GRIP1: variants seen among roughly 807,000 people sequenced by gnomAD.
The protein encoded by GRIP1 is glutamate receptor interacting protein 1.
In GRIP1, 45 loss-of-function variants were observed where a neutral mutation model predicts 129.9. The observed-to-expected ratio is 0.35, with a 90% CI of 0.27 to 0.44. The LOEUF (loss-of-function observed/expected upper bound fraction) is 0.44. Among genes scored for constraint, GRIP1 ranks in the 20% least tolerant of loss-of-function variants. GRIP1 has a pLI of 1.00. For synonymous variants in GRIP1, 530 were observed against 520.8 expected, an observed-to-expected ratio of 1.02 and a Z score of -0.24; for missense variants, 1,196 against 1,396.8, an observed-to-expected ratio of 0.86 and a Z score of 2.29.
At chr12:66,948,551 A>G (rs1168754127) in intron 1 of GRIP1, among the ~76,000 whole-genome samples, 1 of 152,206 alleles carries the variant, frequency 6.6e-6, no homozygotes, top group African/African-American at 2.4e-5. Flanking sequence ...TGTCTTGAAG[A>G]AGCTCATAGT....
intron 1 of GRIP1, among the ~76,000 whole-genome samples, chr12:66,758,038 A>C (rs1442530772): frequency 2.0e-5 from 3 of 152,248 alleles, no homozygotes; most frequent in Non-Finnish European, 4.4e-5. Flanking sequence ...TAAAACAGAA[A>C]AAATTACAAA....
At chr12:66,836,177 T>C (rs971644145) in intron 1 of GRIP1, among the ~76,000 whole-genome samples, 3 of 152,142 alleles carry the variant, frequency 2.0e-5, no homozygotes, top group African/African-American at 7.2e-5. Flanking sequence ...TATGATATAA[T>C]CATAGACAAA....
At position 66,420,750 on chromosome 12, in the gene GRIP1, G is replaced by A. The variant is rs74888356; in HGVS notation, c.1808C>T (p.Ser603Leu). 21 of 1,589,576 alleles carry A rather than the reference G, an allele frequency of 1.3e-5. No individual in the cohort carries two copies. The highest frequency in any genetic ancestry group is 1.7e-5 in the Non-Finnish European group (20 of 1,157,428). Residue 603 changes from serine to leucine, a missense_variant, in exon 15 of 25, where the codon TCA (serine) becomes TTA (leucine). Physicochemically the swap from Ser to Leu is moderately radical, Grantham distance 145 (BLOSUM62 -2). Around this residue, in one of 5 missense-constraint regions of GRIP1, gnomAD observed 508 missense variants for 587.0 expected, o/e 0.87. Coordinates refer to ENST00000359742, the MANE Select transcript of GRIP1 (RefSeq NM_001366722.1). ...SRKPGDPLVI[S>L]DIKKGSVAHR... ...TGCCACACTCCCTTTCTTGATATCT[G>A]AAATGACGAGGGGGTCTCCTGGTTT...
intron 1 of GRIP1, among the ~76,000 whole-genome samples, chr12:66,973,067 C>G (rs2042097246): frequency 6.6e-6 from 1 of 152,148 alleles, no homozygotes; most frequent in Non-Finnish European, 1.5e-5. Flanking sequence ...AGGCTTGTTT[C>G]TATTTCAACA....
chr12:66,622,761 C>T (rs1180895555), intron 1 of GRIP1, among the ~76,000 whole-genome samples: 2 of 152,088 alleles, frequency 1.3e-5, no homozygotes, highest in African/African-American at 4.8e-5. Flanking sequence ...CTAAAATACT[C>T]TTCATTTTCC....
In GRIP1 at chr12:66,851,264, C is replaced by T. The variant is rs2039907170; in HGVS notation, c.58+217786G>A. ...GCATCCTTTACAACACCATTACCTC[C>T]TACACAGGACATCTGGAAAGTGGAG... On this transcript the variant is annotated intron_variant, in intron 1 of 1. Transcript: ENST00000643019. 2.0e-5 allele frequency among the ~76,000 whole-genome samples: 3 copies of T among 151,732 alleles called. No homozygotes were observed. The South Asian group carries it at 6.2e-4, about 32-fold the overall frequency.
At chr12:66,988,251 C>T (rs992429984) in intron 1 of GRIP1, among the ~76,000 whole-genome samples, 4 of 152,210 alleles carry the variant, frequency 2.6e-5, no homozygotes, top group East Asian at 1.9e-4. Flanking sequence ...TGCAAATATA[C>T]GGCCTGGGTG....
At chr12:66,873,484 T>C (rs999011550) in intron 1 of GRIP1, among the ~76,000 whole-genome samples, 1 of 152,112 alleles carries the variant, frequency 6.6e-6, no homozygotes, top group Non-Finnish European at 1.5e-5. Flanking sequence ...GTCTTGATAC[T>C]ATCAAAATAC....
chr12:66,827,731 C>T (rs940546766), intron 1 of GRIP1, among the ~76,000 whole-genome samples: 2 of 152,166 alleles, frequency 1.3e-5, no homozygotes, highest in Non-Finnish European at 2.9e-5. Context: ...AAAATTCTCC[C>T]TTCCACATTT....
Position 67,037,391 on chromosome 12 carries a change from T to C in GRIP1, c.58+31659A>G, listed in dbSNP as rs1204865610. On this transcript the variant is annotated intron_variant, in intron 1 of 1. Coordinates refer to the GRIP1 transcript ENST00000643019. ...ATACTAAGGCTATACTAACATAATG[T>C]AATCTTCCTTTGGAGAATCAGAAGC... 4 of 148,386 alleles carry C rather than the reference T, an allele frequency of 2.7e-5. No homozygotes were observed. The East Asian group carries it at 6.0e-4, about 22-fold the overall frequency. The allele number at this position is 148,386 out of a possible 1,614,324, so 9.2% of individuals were successfully genotyped here. A position where few individuals can be genotyped will look rare whatever the true frequency, so the allele number is the denominator to read the frequency against.
At chr12:66,641,623 A>G (rs1010015258) in intron 1 of GRIP1, among the ~76,000 whole-genome samples, 1 of 152,216 alleles carries the variant, frequency 6.6e-6, no homozygotes, top group Non-Finnish European at 1.5e-5. Flanking sequence ...CAGTTACACT[A>G]GTAGAACTAA....
intron 1 of GRIP1, among the ~76,000 whole-genome samples, chr12:67,060,873 T>C (rs910382231): frequency 2.7e-5 from 4 of 148,698 alleles, no homozygotes; most frequent in Admixed American, 1.3e-4. Context: ...GCTGCAAGAA[T>C]TTTTTCTCCC....
At chr12:66,447,091 G>C (rs947671163) in intron 11 of GRIP1, among the ~76,000 whole-genome samples, 1 of 152,204 alleles carries the variant, frequency 6.6e-6, no homozygotes, top group African/African-American at 2.4e-5. Context: ...GTGGGAATGG[G>C]AGACCCCTGA....
intron 1 of GRIP1, among the ~76,000 whole-genome samples, chr12:66,773,519 G>A (rs926279004): frequency 6.6e-6 from 1 of 152,062 alleles, no homozygotes; most frequent in African/African-American, 2.4e-5. Context: ...AGAACACACG[G>A]ACATAGGGAG....
At chr12:66,403,533 CAA>C (rs2057082946) in intron 16 of GRIP1, among the ~76,000 whole-genome samples, 1 of 152,042 alleles carries the variant, frequency 6.6e-6, no homozygotes, top group African/African-American at 2.4e-5. Context: ...GAATAATTTT[CAA>C]AGAGTGATCT....
At chr12:66,512,159 T>G (rs2060718218) in intron 7 of GRIP1, among the ~76,000 whole-genome samples, 1 of 152,112 alleles carries the variant, frequency 6.6e-6, no homozygotes, top group South Asian at 2.1e-4. Flanking sequence ...TCTTTATAAA[T>G]TACCCAGTCT....
intron 1 of GRIP1, among the ~76,000 whole-genome samples, chr12:66,976,027 A>C (rs1353759738): frequency 6.6e-6 from 1 of 152,194 alleles, no homozygotes; most frequent in African/African-American, 2.4e-5. Flanking sequence ...TGTATTTATA[A>C]CTTTGGGATC....
intron 1 of GRIP1, among the ~76,000 whole-genome samples, chr12:66,840,023 G>A (rs1027991633): frequency 9.2e-5 from 14 of 152,074 alleles, no homozygotes; most frequent in Non-Finnish European, 1.8e-4. Flanking sequence ...ATTTTAACTT[G>A]GATATTTGTA....
At chr12:66,952,908 A>G (rs549010087) in intron 1 of GRIP1, among the ~76,000 whole-genome samples, 2 of 152,330 alleles carry the variant, frequency 1.3e-5, no homozygotes, top group East Asian at 3.9e-4. Context: ...CACTTGCAAA[A>G]TTATTCAAGT....
Sources: gnomAD v4.1 joint callset for allele counts (sites outside exome capture counted in the v4.1 genomes callset) on GRCh38, gnomAD v4.1.1 for gene constraint, gnomAD v4.1.1 regional missense constraint, MANE v1.5 for transcripts, NCBI Gene and HGNC (gene_info 2026-07-23, HGNC 2026-07-21) for gene names.